Variants in TRPM6 observed in about 807,000 individuals in gnomAD.
The protein encoded by TRPM6 is transient receptor potential cation channel subfamily M member 6.
In TRPM6, 111 loss-of-function variants were observed where a neutral mutation model predicts 247.6. That is an observed-to-expected ratio of 0.45 (90% CI 0.38 to 0.52). The LOEUF is 0.52. Ranked by LOEUF, TRPM6 falls within the 20% of genes least tolerant of loss-of-function variation. TRPM6 has a pLI of 0.00. For missense variants in TRPM6, 2,126 were observed against 2,421.5 expected, an observed-to-expected ratio of 0.88 and a Z score of 2.56; for synonymous variants, 892 against 853.8, an observed-to-expected ratio of 1.04 and a Z score of -0.78.
chr9:74,825,830 G>T (rs1193087752), intron 7 of TRPM6, among the ~76,000 whole-genome samples: 1 of 151,974 alleles, frequency 6.6e-6, no homozygotes, highest in African/African-American at 2.4e-5. Context: ...AATATTTCAG[G>T]CCCCTAATGG....
At chr9:74,732,168 CTTAT>C (rs947177583) in intron 37 of TRPM6, among the ~76,000 whole-genome samples, 2 of 152,176 alleles carry the variant, frequency 1.3e-5, no homozygotes, top group Non-Finnish European at 2.9e-5. Flanking sequence ...AACTTCAGCT[CTTAT>C]TTAAGTCAGA....
chr9:74,854,287 G>T (rs188967875), intron 3 of TRPM6, among the ~76,000 whole-genome samples: 1 of 152,216 alleles, frequency 6.6e-6, no homozygotes, highest in African/African-American at 2.4e-5. Context: ...TGTCTCTGAA[G>T]GTTGTGGGGT....
intron 6 of TRPM6, among the ~76,000 whole-genome samples, chr9:74,831,860 G>A (rs1829557438): frequency 6.6e-6 from 1 of 152,134 alleles, no homozygotes. Flanking sequence ...TGTACCACAA[G>A]GTAAACCAAG....
intron 7 of TRPM6, among the ~76,000 whole-genome samples, chr9:74,826,248 G>C (rs891645063): frequency 6.6e-6 from 1 of 152,174 alleles, no homozygotes; most frequent in Non-Finnish European, 1.5e-5. Context: ...GAAAACAGTT[G>C]ACAGATGTTA....
chr9:74,884,349 C>A (rs950087876), intron 1 of TRPM6, among the ~76,000 whole-genome samples: 1 of 151,806 alleles, frequency 6.6e-6, no homozygotes, highest in African/African-American at 2.4e-5. Context: ...ATGAGCCGGG[C>A]GTGGTGGCGG....
Position 74,731,826 on chromosome 9 carries a change from A to G in TRPM6, c.5828+859T>C, listed in dbSNP as rs74971647. On this transcript the variant is annotated intron_variant, in intron 37 of 38. Coordinates refer to ENST00000360774, the MANE Select transcript of TRPM6 (RefSeq NM_017662.5). Reference sequence around the variant, plus strand: ...CAAGAGTGGTCTCTGGACCAGCAGCATCATAATTCCCTGGGAACTTGTAAG... The same window carrying G: ...CAAGAGTGGTCTCTGGACCAGCAGCGTCATAATTCCCTGGGAACTTGTAAG... Among the ~76,000 whole-genome samples the G allele has an allele frequency of 7.7e-3, 1,171 of 152,196 alleles. 10 individuals are homozygous for G. The highest frequency in any genetic ancestry group is 0.027 in the African/African-American group (1,120 of 41,532).
chr9:74,751,434 A>C (rs1310368813), intron 29 of TRPM6, among the ~76,000 whole-genome samples: 1 of 152,196 alleles, frequency 6.6e-6, no homozygotes, highest in African/African-American at 2.4e-5. Context: ...CCCTGCTTCC[A>C]ATTACCCTCA....
intron 24 of TRPM6, among the ~76,000 whole-genome samples, chr9:74,773,699 T>C (rs1425922556): frequency 1.3e-5 from 2 of 152,254 alleles, no homozygotes; most frequent in Non-Finnish European, 2.9e-5. Flanking sequence ...AAAGAACTAA[T>C]ACAATTCTCC....
In TRPM6 at chr9:74,811,198, T is replaced by C. The variant is rs76769339; in HGVS notation, c.1444-330A>G. The stretch of plus-strand genomic sequence containing the variant: ...CACGAGCACATTCCAGCAACAAATA[T>C]TTATTGAATACTTACTATATTCAAT... On this transcript the variant is annotated intron_variant, in intron 12 of 38. Transcript: ENST00000360774. Among the ~76,000 whole-genome samples, 509 of 152,318 alleles carry C rather than the reference T, an allele frequency of 3.3e-3. 6 individuals are homozygous for C. Among genetic ancestry groups the C allele is most frequent in the African/African-American group, 0.012 (490 of 41,578 alleles).
chr9:74,727,994 T>G (rs1327912214), intron 38 of TRPM6, among the ~76,000 whole-genome samples: 1 of 152,126 alleles, frequency 6.6e-6, no homozygotes, highest in Admixed American at 6.5e-5. Flanking sequence ...ACTTTTCTTT[T>G]GGAGTGACTG....
chr9:74,834,988 A>T (rs1015216907), intron 5 of TRPM6, among the ~76,000 whole-genome samples: 1 of 152,152 alleles, frequency 6.6e-6, no homozygotes, highest in African/African-American at 2.4e-5. Flanking sequence ...TATTTCCAGT[A>T]CTAGATCCTT....
intron 16 of TRPM6, among the ~76,000 whole-genome samples, chr9:74,801,420 A>T (rs1828334536): frequency 6.6e-6 from 1 of 151,948 alleles, no homozygotes; most frequent in Admixed American, 6.6e-5. Flanking sequence ...TTTCTTCATT[A>T]CTATAACACT....
chr9:74,794,577 C>T (rs1240530922), intron 18 of TRPM6, among the ~76,000 whole-genome samples: 2 of 152,102 alleles, frequency 1.3e-5, no homozygotes, highest in East Asian at 1.9e-4. Flanking sequence ...ACATCAACAC[C>T]ACATCAGAAA....
Position 74,798,738 on chromosome 9 carries a change from C to T in TRPM6, c.2238+1516G>A, listed in dbSNP as rs140729167. On this transcript the variant is annotated intron_variant, in intron 17 of 38. Coordinates refer to ENST00000360774, the MANE Select transcript of TRPM6 (RefSeq NM_017662.5). ...CACCAACCAAGCACTGATAAAGTAG[C>T]ATCTAAACACTGGAGAAGAATGTTT... Among the ~76,000 whole-genome samples the T allele has an allele frequency of 2.7e-3, 405 of 152,256 alleles. 2 individuals are homozygous for T. The highest frequency in any genetic ancestry group is 8.0e-3 in the African/African-American group (332 of 41,544).
At chr9:74,804,329 A>G (rs963052127) in intron 14 of TRPM6, 8 of 424,986 alleles carry the variant, frequency 1.9e-5, no homozygotes, top group Admixed American at 1.5e-4. Flanking sequence ...CTCAGGTATT[A>G]TATAATATCT....
intron 1 of TRPM6, among the ~76,000 whole-genome samples, chr9:74,862,780 G>A (rs1238884468): frequency 2.0e-5 from 3 of 152,040 alleles, no homozygotes; most frequent in South Asian, 2.1e-4. Context: ...TCAGGAGTTC[G>A]AGACCAGCCT....
At chr9:74,862,584 C>A (rs942902768) in intron 1 of TRPM6, among the ~76,000 whole-genome samples, 6 of 152,130 alleles carry the variant, frequency 3.9e-5, no homozygotes, top group Non-Finnish European at 8.8e-5. Flanking sequence ...TAGTGAGATA[C>A]CTTGGGGAGG....
At chr9:74,808,652 G>A (rs1828620639) in intron 13 of TRPM6, among the ~76,000 whole-genome samples, 1 of 152,222 alleles carries the variant, frequency 6.6e-6, no homozygotes, top group African/African-American at 2.4e-5. Context: ...CACTGAATGT[G>A]TGTGATCCAA....
rs1826704857 is a variant in TRPM6 at position 74,762,968 on chromosome 9, C to T, written c.3703G>A (p.Glu1235Lys). 2 of 1,610,044 alleles carry T rather than the reference C, an allele frequency of 1.2e-6. No individual in the cohort carries two copies. Among genetic ancestry groups the T allele is most frequent in the South Asian group, 2.2e-5 (2 of 90,898 alleles). Residue 1235 changes from glutamate to lysine, a missense_variant, in exon 26 of 39, where the codon GAG becomes AAG. Physicochemically the swap from Glu to Lys is moderately conservative, Grantham distance 56. Coordinates refer to ENST00000360774, the MANE Select transcript of TRPM6 (RefSeq NM_017662.5). ...LSAVDTLQED[E>K]ALLAKRKHST... ...TGCTTTCTCTTGGCCAGGAGAGCCT[C>T]ATCCTCTTGCAAAGTGTCAACAGCA...
Sources: allele counts gnomAD v4.1 joint callset (sites outside exome capture counted in the v4.1 genomes callset), GRCh38; gene constraint gnomAD v4.1.1; transcripts MANE v1.5; gene names NCBI Gene and HGNC (gene_info 2026-07-23, HGNC 2026-07-21).